METRNL: variants seen among roughly 807,000 people sequenced by gnomAD.
The protein encoded by METRNL is meteorin like, glial cell differentiation regulator.
In METRNL, 9 loss-of-function variants were observed where a neutral mutation model predicts 17.4. That is an observed-to-expected ratio of 0.52 (90% CI 0.31 to 0.90). The LOEUF (loss-of-function observed/expected upper bound fraction) is 0.90. Ranked by LOEUF, METRNL falls within the 40% of genes least tolerant of loss-of-function variation. METRNL has a pLI of 0.05. For synonymous variants in METRNL, 215 were observed against 199.3 expected, an observed-to-expected ratio of 1.08 and a Z score of -0.66; for missense variants, 408 against 430.7, an observed-to-expected ratio of 0.95 and a Z score of 0.47.
intron 1 of METRNL, among the ~76,000 whole-genome samples, chr17:83,081,323 C>T (rs2037985410): frequency 6.6e-6 from 1 of 152,158 alleles, no homozygotes; most frequent in Admixed American, 6.5e-5. Flanking sequence ...CGAACCGAGG[C>T]CCGGGGCGTT....
chr17:83,083,420 CGAT>C (rs1360900721), intron 1 of METRNL, among the ~76,000 whole-genome samples: 1 of 152,228 alleles, frequency 6.6e-6, no homozygotes, highest in Non-Finnish European at 1.5e-5. Flanking sequence ...AGAGACGTGA[CGAT>C]GAGGCTGCAT....
At chr17:83,090,179 C>G (rs1275494073) in intron 2 of METRNL, among the ~76,000 whole-genome samples, 2 of 125,304 alleles carry the variant, frequency 1.6e-5, no homozygotes, top group African/African-American at 2.7e-5. Flanking sequence ...CACCCCTGCC[C>G]CGCCCCAGGG....
rs868494834 is a variant in METRNL at position 83,084,660 on chromosome 17, A to C, written c.171-278A>C. On this transcript the variant is annotated intron_variant, in intron 1 of 3. Coordinates refer to ENST00000320095, the MANE Select transcript of METRNL (RefSeq NM_001004431.3). ...GAGGGTGTCTGGAGGGCCTGGGGAC[A>C]AGCACCGCCTGCACTCCCGGGAGCT... is the stretch of plus-strand genomic sequence containing the variant. 7.0e-4 allele frequency: 348 copies of C among 496,188 alleles called. 1 individual carries two copies. The highest frequency in any genetic ancestry group is 7.6e-4 in the Non-Finnish European group (212 of 279,966). The allele number at this position is 496,188 out of a possible 1,614,324, so 30.7% of individuals were successfully genotyped here.
At position 83,085,185 on chromosome 17, in the gene METRNL, C is replaced by T. The variant is rs199503836; in HGVS notation, c.418C>T (p.Arg140Trp). The change falls in exon 2 of 4, where the codon CGG becomes TGG. Residue 140 changes from arginine (R) to tryptophan (W), a missense_variant. Physicochemically the swap from Arg to Trp is moderately radical, Grantham distance 101 (BLOSUM62 -3). Coordinates refer to ENST00000320095, the MANE Select transcript of METRNL (RefSeq NM_001004431.3). ...LVPDGDGRPG[R>W]VQCFGLEQGG... ...ACCAGACGGGGACGGCAGGCCCGGC[C>T]GGGTGCAGTGTTTTGGCCTGGAGCA... 1.2e-5 allele frequency: 20 copies of T among 1,611,362 alleles called. No individual in the cohort carries two copies. Among genetic ancestry groups the T allele is most frequent in the Admixed American group, 8.3e-5 (5 of 59,894 alleles).
intron 2 of METRNL, among the ~76,000 whole-genome samples, chr17:83,087,929 C>T (rs1384470125): frequency 6.6e-6 from 1 of 152,212 alleles, no homozygotes; most frequent in Non-Finnish European, 1.5e-5. Context: ...TGTGTGAGCC[C>T]CGTCCCCTGC....
Position 83,094,388 on chromosome 17 carries a change from G to T in METRNL, c.749G>T (p.Trp250Leu). The change falls in exon 4 of 4, where the codon TGG becomes TTG. Residue 250 changes from tryptophan to leucine, a missense_variant. Physicochemically the swap from Trp to Leu is moderately conservative, Grantham distance 61. Coordinates refer to ENST00000320095, the MANE Select transcript of METRNL (RefSeq NM_001004431.3). ...FEPVPEGDGH[W>L]QGRVRTLLEC... ...CCGGTGCCCGAGGGTGACGGCCACT[G>T]GCAGGGGCGCGTCAGGACGCTGCTG... The T allele has an allele frequency of 6.2e-7, 1 of 1,610,570 alleles. No individual in the cohort carries two copies. The highest frequency in any genetic ancestry group is 1.1e-5 in the South Asian group (1 of 90,722).
intron 2 of METRNL, among the ~76,000 whole-genome samples, chr17:83,086,355 G>T (rs2038052895): frequency 1.3e-5 from 2 of 152,226 alleles, no homozygotes; most frequent in Non-Finnish European, 2.9e-5. Context: ...CATGAGCTCA[G>T]ACTGCCCCTT....
chr17:83,090,088 C>T (rs565467035), intron 2 of METRNL, among the ~76,000 whole-genome samples: 58 of 151,518 alleles, frequency 3.8e-4, no homozygotes, highest in South Asian at 1.7e-3. Flanking sequence ...CGGGGTGGGA[C>T]GCATGTGGCT....
At chr17:83,094,105 C>T in intron 3 of METRNL, 151 bp from the exon 4 acceptor site, 1 of 605,624 alleles carries the variant, frequency 1.7e-6, no homozygotes, top group African/African-American at 1.9e-5. Flanking sequence ...TTACATTGTA[C>T]TTTTCTCTGG....
chr17:83,081,139 C>T (rs1338757301), intron 1 of METRNL, among the ~76,000 whole-genome samples: 1 of 151,752 alleles, frequency 6.6e-6, no homozygotes, highest in African/African-American at 2.4e-5. Context: ...CGGGAGCGGC[C>T]GCCTCCCTTC....
chr17:83,079,951 C>G lies in METRNL; in HGVS notation c.136C>G (p.Gln46Glu), dbSNP rs766166780. The stretch of plus-strand genomic sequence containing the variant: ...CGGGCTGCTGGGCGGCGCGGGCGCG[C>G]AGTACTCCAGCGACCGGTGCAGCTG... ...LAGLLGGAGA[Q>E]YSSDRCSWKG... Residue 46 changes from glutamine to glutamate, a missense_variant, in exon 1 of 4, where the codon CAG (glutamine) becomes GAG (glutamate). Coordinates refer to ENST00000320095, the MANE Select transcript of METRNL (RefSeq NM_001004431.3). 35 of 1,014,078 alleles carry G rather than the reference C, an allele frequency of 3.5e-5. No homozygotes were observed. Among genetic ancestry groups the G allele is most frequent in the Non-Finnish European group, 4.0e-5 (34 of 850,334 alleles). 62.8% of individuals were successfully genotyped at this position (1,014,078 alleles called of 1,614,324 possible).
rs368378292 is a variant in METRNL at position 83,084,268 on chromosome 17, A to T, written c.171-670A>T. 365 of 152,418 alleles carry T rather than the reference A, an allele frequency of 2.4e-3. 17 individuals carry two copies. In the South Asian group the frequency reaches 0.073, roughly 31 times the overall value. The allele number at this position is 152,418 out of a possible 1,614,324, so 9.4% of individuals were successfully genotyped here. ...TACTTTGAGAAATGTACAAACATCTATGCTTAATGAGGTGCTAAAAGACAA... is the reference window on the plus strand; with the variant it reads ...TACTTTGAGAAATGTACAAACATCTTTGCTTAATGAGGTGCTAAAAGACAA... On this transcript the variant is annotated intron_variant, in intron 1 of 3. Transcript: ENST00000320095.
chr17:83,091,603 CCAG>C (rs2038138043), intron 2 of METRNL, among the ~76,000 whole-genome samples: 1 of 152,254 alleles, frequency 6.6e-6, no homozygotes, highest in Non-Finnish European at 1.5e-5. Flanking sequence ...CCCCCAGTCA[CCAG>C]CAGCTGGCTC....
intron 1 of METRNL, among the ~76,000 whole-genome samples, chr17:83,081,660 A>AC (rs201259865): frequency 0.022 from 3,239 of 144,852 alleles, 110 homozygotes; most frequent in African/African-American, 0.079. Flanking sequence ...CCCAGAGGGG[A>AC]CCCCCCCACA....
chr17:83,094,297 C>A lies in METRNL; in HGVS notation c.658C>A (p.Arg220=). The change falls in exon 4 of 4, where the codon CGG becomes AGG. Residue 220 remains arginine, a synonymous_variant. Transcript: ENST00000320095. ...CCAGCAAGTTACCCACGAGCCTGAGCGGCAGGACTCAGCCATCCACCTGCG... is the reference window on the plus strand; with the variant it reads ...CCAGCAAGTTACCCACGAGCCTGAGAGGCAGGACTCAGCCATCCACCTGCG... The part of the protein sequence containing the change: ...SIQQVTHEPE[R]QDSAIHLRVS... 3 of 1,590,386 alleles carry A rather than the reference C, an allele frequency of 1.9e-6. No homozygotes were observed. Among genetic ancestry groups the A allele is most frequent in the Non-Finnish European group, 2.6e-6 (3 of 1,162,666 alleles).
intron 1 of METRNL, 94 bp downstream of exon 1, chr17:83,080,079 C>A: frequency 1.3e-6 from 1 of 743,936 alleles, no homozygotes; most frequent in Non-Finnish European, 1.6e-6. Context: ...CGGCCGGGGG[C>A]GGGCGCGGGG....
chr17:83,080,257 G>C, intron 1 of METRNL: 1 of 152,332 alleles, frequency 6.6e-6, no homozygotes, highest in Non-Finnish European at 1.5e-5. Context: ...GCGTGTCCGA[G>C]CCTCGGGGGC....
intron 2 of METRNL, among the ~76,000 whole-genome samples, chr17:83,089,419 C>T (rs960641535): frequency 9.9e-5 from 15 of 152,160 alleles, no homozygotes; most frequent in East Asian, 3.9e-4. Context: ...CCTGCCGGAC[C>T]GGTCGGTGTC....
intron 2 of METRNL, among the ~76,000 whole-genome samples, chr17:83,087,398 G>A (rs1048428018): frequency 6.6e-6 from 1 of 152,086 alleles, no homozygotes; most frequent in East Asian, 1.9e-4. Flanking sequence ...TGGGACCCAC[G>A]CCTGGCATCT....
Sources: allele counts gnomAD v4.1 joint callset (sites outside exome capture counted in the v4.1 genomes callset), GRCh38; gene constraint gnomAD v4.1.1; transcripts MANE v1.5; gene names NCBI Gene and HGNC (gene_info 2026-07-23, HGNC 2026-07-21).